Variants in IQSEC3 observed in about 807,000 individuals in gnomAD.
IQSEC3 encodes the protein IQ motif and Sec7 domain ArfGEF 3, also known as IQ motif and SEC7 domain-containing protein 3.
IQSEC3 carries 50 observed loss-of-function variants against 105.4 expected under a neutral mutation model. The ratio of observed to expected loss-of-function variants is 0.47; its 90% CI spans 0.38 to 0.60. IQSEC3 has a LOEUF of 0.60. IQSEC3 is among the 20% of genes least tolerant of loss of function. The pLI, the probability that IQSEC3 is intolerant of heterozygous loss-of-function variation, is 0.00. For synonymous variants in IQSEC3, 708 were observed against 746.0 expected, an observed-to-expected ratio of 0.95 and a Z score of 0.83; for missense variants, 1,415 against 1,630.0, an observed-to-expected ratio of 0.87 and a Z score of 2.27.
intron 3 of IQSEC3, among the ~76,000 whole-genome samples, chr12:131,475 T>G (rs11064627): frequency 1.3e-5 from 2 of 151,864 alleles, no homozygotes; most frequent in African/African-American, 2.4e-5. Flanking sequence ...CATTACTGAG[T>G]CCCCAGGTCC....
chr12:125,946 G>GGT (rs1555083333), intron 3 of IQSEC3, 34 bp downstream of exon 3: 1 of 1,519,282 alleles, frequency 6.6e-7, no homozygotes, highest in Admixed American at 2.0e-5. Flanking sequence ...CGGGGAGGGT[G>GGT]GTGAAGGGGC....
At chr12:96,658 G>T (rs985572457) in intron 1 of IQSEC3, among the ~76,000 whole-genome samples, 7 of 152,210 alleles carry the variant, frequency 4.6e-5, no homozygotes, top group African/African-American at 1.7e-4. Context: ...GCTACAAAGA[G>T]TCTGTTTTTT....
At chr12:163,272 CCCT>C (rs1473283631) in intron 8 of IQSEC3, among the ~76,000 whole-genome samples, 1 of 20,680 alleles carries the variant, frequency 4.8e-5, no homozygotes, top group Admixed American at 7.0e-4. Context: ...CCCTCCCCTC[CCCT>C]CCCTCCACAG....
At chr12:102,040 A>G (rs1864438171) in intron 2 of IQSEC3, among the ~76,000 whole-genome samples, 1 of 151,846 alleles carries the variant, frequency 6.6e-6, no homozygotes. Flanking sequence ...CCCTCTGAGG[A>G]GATCTGGTAT....
Position 152,657 on chromosome 12 carries a change from C to T in IQSEC3, c.2154-4368C>T, listed in dbSNP as rs1866547833. On this transcript the variant is annotated intron_variant, in intron 5 of 13. Transcript: ENST00000538872. This position sits in a 1 kb window ranked among gnomAD's most constrained non-coding sequence, Gnocchi z 4.8. ...AGAGCCATACTCAGTACAGAGAGCT[C>T]AGAGGGAACTCCCCCGACTTGAGTA... Among the ~76,000 whole-genome samples the T allele has an allele frequency of 6.6e-6, 1 of 152,164 alleles. No individual in the cohort carries two copies. Among genetic ancestry groups the T allele is most frequent in the Admixed American group, 6.5e-5 (1 of 15,276 alleles).
chr12:116,891 T>G (rs1444281252), intron 2 of IQSEC3, among the ~76,000 whole-genome samples: 1 of 152,214 alleles, frequency 6.6e-6, no homozygotes, highest in Non-Finnish European at 1.5e-5. Context: ...AGGACAGGGA[T>G]TCTTCTGAGG....
At chr12:82,998 G>A (rs373072168) in intron 1 of IQSEC3, among the ~76,000 whole-genome samples, 7 of 152,208 alleles carry the variant, frequency 4.6e-5, no homozygotes, top group African/African-American at 1.7e-4. Flanking sequence ...AGGTTCTGAC[G>A]CAGTTCCCTG....
In IQSEC3 at chr12:76,131, C is replaced by CA. The variant is rs1555069022; in HGVS notation, c.554+8697dup. On this transcript the variant is annotated intron_variant, in intron 1 of 13. Coordinates refer to ENST00000538872, the MANE Select transcript of IQSEC3 (RefSeq NM_001170738.2). ...ACACACACACACACACACACACACA[C>CA]AAGGCCTCAGCAGGTGGAGTGAGAA... 4.1e-3 allele frequency among the ~76,000 whole-genome samples: 584 copies of CA among 143,950 alleles called. 1 individual carries two copies. Among genetic ancestry groups the CA allele is most frequent in the East Asian group, 0.033 (161 of 4,942 alleles). The allele number at this position is 143,950 out of a possible 152,430, so 94.4% of individuals were successfully genotyped here.
chr12:170,383 T>G (rs1938919559), intron 12 of IQSEC3, among the ~76,000 whole-genome samples: 1 of 152,112 alleles, frequency 6.6e-6, no homozygotes, highest in South Asian at 2.1e-4. Flanking sequence ...TGTCCCTTAG[T>G]CCCCTCCACA....
chr12:168,999 T>A lies in IQSEC3; in HGVS notation c.2972-14T>A. 1 of 1,612,770 alleles carries A rather than the reference T, an allele frequency of 6.2e-7. No individual in the cohort carries two copies. ...TTAAGGTTTCTCTTGCTCACGGGCC[T>A]CTGCATTCCTTAGGGGAGCTGGAGA... On this transcript the variant is annotated splice_polypyrimidine_tract_variant and intron_variant, in intron 11 of 13. Coordinates refer to ENST00000538872, the MANE Select transcript of IQSEC3 (RefSeq NM_001170738.2).
intron 5 of IQSEC3, among the ~76,000 whole-genome samples, chr12:151,982 C>G (rs1866526892): frequency 1.3e-5 from 2 of 152,164 alleles, no homozygotes; most frequent in Non-Finnish European, 2.9e-5. Context: ...CGTCGTTTCC[C>G]TACATAGAAC....
At chr12:143,816 G>A (rs529948972) in intron 5 of IQSEC3, 65 of 163,098 alleles carry the variant, frequency 4.0e-4, no homozygotes, top group Non-Finnish European at 6.8e-4. Flanking sequence ...ATGGGGCCAC[G>A]CTGGGCACCC....
rs1555087736 is a variant in IQSEC3 at position 138,830 on chromosome 12, G to A, written c.1467G>A (p.Thr489=). 1.2e-6 allele frequency: 2 copies of A among 1,611,594 alleles called. No homozygotes were observed. The highest frequency in any genetic ancestry group is 2.2e-5 in the East Asian group (1 of 44,826). Residue 489 remains threonine (T), a synonymous_variant, in exon 4 of 14, where the codon ACG becomes ACA. Transcript: ENST00000538872. The surrounding 1 kb of genome is among the most constrained non-coding windows in gnomAD (Gnocchi z 7.1). The part of the protein sequence containing the change: ...GTLMMAFRDV[T]VQIANQNISV... ...TCATGATGGCTTTCCGGGACGTCAC[G>A]GTGCAGATCGCCAACCAGAACATAT...
In IQSEC3 at chr12:138,827, C is replaced by G. The variant is rs1865887635; in HGVS notation, c.1464C>G (p.Val488=). 1 of 1,611,494 alleles carries G rather than the reference C, an allele frequency of 6.2e-7. No homozygotes were observed. The highest frequency in any genetic ancestry group is 1.7e-5 in the Admixed American group (1 of 59,944). Residue 488 remains valine, a synonymous_variant, in exon 4 of 14, where the codon GTC becomes GTG. Coordinates refer to ENST00000538872, the MANE Select transcript of IQSEC3 (RefSeq NM_001170738.2). The surrounding 1 kb of genome is among the most constrained non-coding windows in gnomAD (Gnocchi z 7.1). The part of the protein sequence containing the change: ...SGTLMMAFRD[V]TVQIANQNIS... ...CCCTCATGATGGCTTTCCGGGACGT[C>G]ACGGTGCAGATCGCCAACCAGAACA...
At chr12:145,351 T>C (rs570530270) in intron 5 of IQSEC3, among the ~76,000 whole-genome samples, 1 of 152,312 alleles carries the variant, frequency 6.6e-6, no homozygotes, top group South Asian at 2.1e-4. Context: ...CAAAGCTCGC[T>C]GCAACTTGAA....
chr12:104,317 T>A (rs1190578643), intron 2 of IQSEC3, among the ~76,000 whole-genome samples: 2 of 152,194 alleles, frequency 1.3e-5, no homozygotes, highest in African/African-American at 2.4e-5. Flanking sequence ...TGCTAGAATT[T>A]TTTTTAAGCG....
chr12:163,659 T>G, intron 9 of IQSEC3, 40 bp downstream of exon 9: 1 of 1,161,990 alleles, frequency 8.6e-7, no homozygotes, highest in Non-Finnish European at 1.3e-6. Flanking sequence ...GGGCTGGGGC[T>G]GCCTCTGCCG....
At position 138,934 on chromosome 12, in the gene IQSEC3, C is replaced by T. The variant is rs782495678; in HGVS notation, c.1571C>T (p.Ala524Val). The T allele has an allele frequency of 1.9e-6, 3 of 1,589,432 alleles. No homozygotes were observed. Among genetic ancestry groups the T allele is most frequent in the South Asian group, 1.1e-5 (1 of 88,364 alleles). Reference sequence around the variant, plus strand: ...GTCCAGGCCCCCGCAGAGCCCGCGGCGGGCAAGGCCGAGCAGGGCGAGACC... The same window carrying T: ...GTCCAGGCCCCCGCAGAGCCCGCGGTGGGCAAGGCCGAGCAGGGCGAGACC... ...QTVQAPAEPA[A>V]GKAEQGETSG... Residue 524 changes from alanine (A) to valine (V), a missense_variant, in exon 4 of 14, where the codon GCG (alanine) becomes GTG (valine). Ala to Val is a moderately conservative substitution (Grantham distance 64). Coordinates refer to ENST00000538872, the MANE Select transcript of IQSEC3 (RefSeq NM_001170738.2). This position sits in a 1 kb window ranked among gnomAD's most constrained non-coding sequence, Gnocchi z 7.1.
chr12:118,140 T>G (rs1289895794), intron 2 of IQSEC3, among the ~76,000 whole-genome samples: 2 of 152,158 alleles, frequency 1.3e-5, no homozygotes, highest in Non-Finnish European at 2.9e-5. Context: ...TGCCGCACAC[T>G]CTGCAGGCTG....
Sources: allele counts gnomAD v4.1 joint callset (sites outside exome capture counted in the v4.1 genomes callset), GRCh38; gene constraint gnomAD v4.1.1; non-coding constraint Gnocchi (gnomAD v3.1); transcripts MANE v1.5; gene names NCBI Gene and HGNC (gene_info 2026-07-23, HGNC 2026-07-21).